Variants in KIRREL1 observed in about 807,000 individuals in gnomAD.
The protein encoded by KIRREL1 is kirre like nephrin family adhesion molecule 1, also known as kin of IRRE-like protein 1.
In KIRREL1, 25 loss-of-function variants were observed where a neutral mutation model predicts 83.3. The observed-to-expected ratio is 0.30, with a 90% CI of 0.22 to 0.42. KIRREL1 has a LOEUF of 0.42. Among genes scored for constraint, KIRREL1 ranks in the 10% least tolerant of loss-of-function variants. The probability of loss-of-function intolerance (pLI) is 1.00; values close to 1 mark genes in which losing one functional copy is unlikely to be tolerated. For missense variants in KIRREL1, 812 were observed against 1,032.3 expected, an observed-to-expected ratio of 0.79 and a Z score of 2.92; for synonymous variants, 388 against 410.4, an observed-to-expected ratio of 0.95 and a Z score of 0.66.
rs1476419652 is a variant in KIRREL1, at chr1:158,098,791, G to A, written c.*3671G>A. 6.6e-6 allele frequency: 1 copy of A among 152,162 alleles called. No homozygotes were observed. Among genetic ancestry groups the A allele is most frequent in the Non-Finnish European group, 1.5e-5 (1 of 68,040 alleles). The allele number at this position is 152,162 out of a possible 1,614,324, so 9.4% of individuals were successfully genotyped here. A position where few individuals can be genotyped will look rare whatever the true frequency, so the allele number is the denominator to read the frequency against. On this transcript the variant is annotated 3_prime_UTR_variant, in exon 15 of 15. Transcript: ENST00000359209. ...ACATCTGAGCACCCTGTCTTCAAGCGGTACGCTCTCCCCTTATTCCAGCAG... is the reference window on the plus strand; with the variant it reads ...ACATCTGAGCACCCTGTCTTCAAGCAGTACGCTCTCCCCTTATTCCAGCAG...
chr1:158,038,438 A>G (rs1660532277), intron 1 of KIRREL1, among the ~76,000 whole-genome samples: 1 of 150,732 alleles, frequency 6.6e-6, no homozygotes, highest in African/African-American at 2.4e-5. Context: ...GCAGAGTGGC[A>G]TGAAAAAATC....
intron 1 of KIRREL1, among the ~76,000 whole-genome samples, chr1:158,033,823 T>G (rs1256926213): frequency 6.6e-6 from 1 of 151,058 alleles, no homozygotes; most frequent in Non-Finnish European, 1.5e-5. Context: ...GTACTAAAAA[T>G]ACAAAAATTA....
intron 3 of KIRREL1, among the ~76,000 whole-genome samples, chr1:158,078,795 G>T (rs540859327): frequency 6.6e-6 from 1 of 152,180 alleles, no homozygotes; most frequent in African/African-American, 2.4e-5. Context: ...TGGAAGCCCT[G>T]CAGCTCTTGG....
At chr1:158,093,816 G>A in intron 13 of KIRREL1, 54 bp downstream of exon 13, 1 of 1,600,154 alleles carries the variant, frequency 6.2e-7, no homozygotes, top group Non-Finnish European at 8.5e-7. Flanking sequence ...CTGAGGACCA[G>A]CTCCATCCCA....
At chr1:158,007,106 C>T (rs11585913) in intron 1 of KIRREL1, among the ~76,000 whole-genome samples, 12,542 of 152,206 alleles carry the variant, frequency 0.082, 566 homozygotes, top group Middle Eastern at 0.1. Flanking sequence ...CAACTGTAAA[C>T]TTGAACTTGA....
At chr1:158,027,708 A>G (rs1031274132) in intron 1 of KIRREL1, among the ~76,000 whole-genome samples, 2 of 152,260 alleles carry the variant, frequency 1.3e-5, no homozygotes, top group Admixed American at 1.3e-4. Context: ...AGAAATGAGG[A>G]TAATACACAG....
intron 1 of KIRREL1, among the ~76,000 whole-genome samples, chr1:158,014,909 C>G (rs1388802594): frequency 2.6e-5 from 4 of 152,080 alleles, no homozygotes. Context: ...CGGTGCTTTA[C>G]TGGGACTATT....
chr1:158,038,214 C>G (rs1056345863), intron 1 of KIRREL1, among the ~76,000 whole-genome samples: 5 of 152,186 alleles, frequency 3.3e-5, no homozygotes, highest in Admixed American at 1.3e-4. Flanking sequence ...TGCATTCATC[C>G]GTTTAGTTCT....
chr1:158,031,473 C>A (rs545414915), intron 1 of KIRREL1, among the ~76,000 whole-genome samples: 1 of 152,276 alleles, frequency 6.6e-6, no homozygotes, highest in African/African-American at 2.4e-5. Context: ...GGCTCAGGGG[C>A]CAAGTGGGAT....
intron 1 of KIRREL1, among the ~76,000 whole-genome samples, chr1:158,029,160 G>A (rs4971183): frequency 0.83 from 125,827 of 152,132 alleles, 53,121 homozygotes; most frequent in Non-Finnish European, 0.91. Context: ...ATAACCTATC[G>A]TGAATCAACA....
At chr1:158,000,636 A>T in intron 1 of KIRREL1, among the ~76,000 whole-genome samples, 1 of 152,162 alleles carries the variant, frequency 6.6e-6, no homozygotes, top group East Asian at 1.9e-4. Flanking sequence ...TTTTCTTTCT[A>T]TCCCACTTAC....
At chr1:158,083,399 A>G (rs146789372) in intron 3 of KIRREL1, among the ~76,000 whole-genome samples, 200 of 152,350 alleles carry the variant, frequency 1.3e-3, no homozygotes, top group African/African-American at 4.5e-3. Context: ...AGCCTTGTGC[A>G]TCAACTGGGA....
intron 1 of KIRREL1, among the ~76,000 whole-genome samples, chr1:158,043,774 C>T (rs923483151): frequency 6.6e-6 from 1 of 151,954 alleles, no homozygotes; most frequent in Non-Finnish European, 1.5e-5. Context: ...GGTGGGGGTG[C>T]GGCAGTGGTG....
chr1:158,091,563 G>A lies in KIRREL1; in HGVS notation c.1471+7G>A, dbSNP rs564903383. 3 of 1,613,912 alleles carry A rather than the reference G, an allele frequency of 1.9e-6. No individual in the cohort carries two copies. The South Asian group carries it at 3.3e-5, about 18-fold the overall frequency. On this transcript the variant is annotated splice_region_variant and intron_variant, in intron 11 of 14. Transcript: ENST00000359209. ...ATCCAGCTGGAAGAGCGAGGTGACT[G>A]GTAGTGCTGCCTGCCAGCTGGGGTG...
chr1:158,097,181 G>C lies in KIRREL1; in HGVS notation c.*2061G>C. ...CTTTCTATAGAGTCCTTTTATGAGAGCTCAGTGGGAAGGTCTGTCAAGAAA... is the reference window on the plus strand; with the variant it reads ...CTTTCTATAGAGTCCTTTTATGAGACCTCAGTGGGAAGGTCTGTCAAGAAA... On this transcript the variant is annotated 3_prime_UTR_variant, in exon 15 of 15. Transcript: ENST00000359209. 2 of 397,806 alleles carry C rather than the reference G, an allele frequency of 5.0e-6. No individual in the cohort carries two copies. Among genetic ancestry groups the C allele is most frequent in the Non-Finnish European group, 1.0e-5 (2 of 200,890 alleles). 24.6% of individuals were successfully genotyped at this position (397,806 alleles called of 1,614,324 possible). A position where few individuals can be genotyped will look rare whatever the true frequency, so the allele number is the denominator to read the frequency against.
chr1:158,084,653 A>T (rs1225121221), intron 4 of KIRREL1, 74 bp downstream of exon 4: 6 of 1,470,000 alleles, frequency 4.1e-6, no homozygotes, highest in Non-Finnish European at 5.5e-6. Flanking sequence ...CAGGGGTTTC[A>T]CCACAGACTC....
In KIRREL1 at chr1:158,006,388, C is replaced by T. The variant is rs116518515; in HGVS notation, c.52+12660C>T. On this transcript the variant is annotated intron_variant, in intron 1 of 14. Transcript: ENST00000359209. ...TGTCTGATTGGGTATTGTAACTGAA[C>T]ACGTCTCCAGTCTTCTCTGTGTCTG... Among the ~76,000 whole-genome samples the T allele has an allele frequency of 5.5e-3, 838 of 152,310 alleles. 1 individual carries two copies. Among genetic ancestry groups the T allele is most frequent in the South Asian group, 0.012 (56 of 4,820 alleles).
chr1:158,028,244 C>T lies in KIRREL1; in HGVS notation c.52+34516C>T, dbSNP rs12561859. On this transcript the variant is annotated intron_variant, in intron 1 of 14. Coordinates refer to ENST00000359209, the MANE Select transcript of KIRREL1 (RefSeq NM_018240.7). ...AGACTTTATTAGCCTTGTCTGCCTG[C>T]GCAGGGGCTGTTGGGCACCTGGGTC... 5.9e-5 allele frequency among the ~76,000 whole-genome samples: 9 copies of T among 152,296 alleles called. No homozygotes were observed. The East Asian group carries it at 1.7e-3, about 29-fold the overall frequency.
At chr1:158,011,379 G>A (rs1436073161) in intron 1 of KIRREL1, among the ~76,000 whole-genome samples, 1 of 152,186 alleles carries the variant, frequency 6.6e-6, no homozygotes. Context: ...GAAGCCCCAA[G>A]GCCTCTTCCT....
Sources: allele counts gnomAD v4.1 joint callset (sites outside exome capture counted in the v4.1 genomes callset), GRCh38; gene constraint gnomAD v4.1.1; transcripts MANE v1.5; gene names NCBI Gene and HGNC (gene_info 2026-07-23, HGNC 2026-07-21).